The following TSPAN9 variants were observed in gnomAD, a reference collection of about 807,000 sequenced individuals.
TSPAN9 encodes the protein tetraspanin 9, also known as tetraspanin-9.
In TSPAN9, 16 loss-of-function variants were observed where a neutral mutation model predicts 31.0. The ratio of observed to expected loss-of-function variants is 0.52; its 90% CI spans 0.35 to 0.78. The LOEUF is 0.78. Ranked by LOEUF, TSPAN9 falls within the 30% of genes least tolerant of loss-of-function variation. TSPAN9 has a pLI of 0.01. For synonymous variants in TSPAN9, 145 were observed against 121.6 expected (o/e 1.19, Z -1.27); for missense variants, 272 against 312.5 (o/e 0.87, Z 0.98).
At chr12:3,240,403 C>T (rs946868091) in intron 3 of TSPAN9, among the ~76,000 whole-genome samples, 3 of 152,172 alleles carry the variant, frequency 2.0e-5, no homozygotes, top group Non-Finnish European at 4.4e-5. Context: ...CAGTCACTCT[C>T]GCTGATTGAG....
chr12:3,105,853 C>T (rs1284735471), intron 2 of TSPAN9, among the ~76,000 whole-genome samples: 1 of 116,478 alleles, frequency 8.6e-6, no homozygotes, highest in East Asian at 2.3e-4. Flanking sequence ...CGCTCACACA[C>T]GTTCACACAC....
intron 3 of TSPAN9, among the ~76,000 whole-genome samples, chr12:3,216,617 G>C (rs1362422003): frequency 6.6e-6 from 1 of 152,262 alleles, no homozygotes; most frequent in Non-Finnish European, 1.5e-5. Flanking sequence ...GGGCCTGCAG[G>C]GCTGAGGTGG....
intron 2 of TSPAN9, among the ~76,000 whole-genome samples, chr12:3,095,630 T>G (rs1485718700): frequency 1.2e-5 from 1 of 86,528 alleles, no homozygotes; most frequent in African/African-American, 5.8e-5. Flanking sequence ...GGCGGAGGGC[T>G]GACCCCCCCC....
intron 2 of TSPAN9, among the ~76,000 whole-genome samples, chr12:3,158,658 G>A (rs1267775803): frequency 1.4e-5 from 2 of 141,294 alleles, no homozygotes; most frequent in Non-Finnish European, 3.0e-5. Flanking sequence ...GGAGGCAGAG[G>A]TTGCAGTGAG....
At chr12:3,236,018 C>G (rs2153976659) in intron 3 of TSPAN9, among the ~76,000 whole-genome samples, 1 of 152,364 alleles carries the variant, frequency 6.6e-6, no homozygotes, top group Admixed American at 6.5e-5. Flanking sequence ...TTCCACAGCT[C>G]TGTCCCTGTG....
intron 2 of TSPAN9, among the ~76,000 whole-genome samples, chr12:3,186,857 A>G (rs1411703969): frequency 2.6e-5 from 4 of 151,828 alleles, no homozygotes; most frequent in African/African-American, 9.7e-5. Context: ...ATGGTGCTGG[A>G]TTTCTTTTCT....
At chr12:3,144,066 C>T (rs897291533) in intron 2 of TSPAN9, among the ~76,000 whole-genome samples, 13 of 151,860 alleles carry the variant, frequency 8.6e-5, no homozygotes, top group Non-Finnish European at 1.6e-4. Context: ...TACAAAATCA[C>T]GAGTGTGTGC....
At chr12:3,108,420 T>G (rs34868434) in intron 2 of TSPAN9, among the ~76,000 whole-genome samples, 23,500 of 152,228 alleles carry the variant, frequency 0.15, 2,136 homozygotes, top group Middle Eastern at 0.2. Flanking sequence ...AGAAGTCTAA[T>G]GCCATTCCAG....
At chr12:3,158,524 C>T (rs2098343428) in intron 2 of TSPAN9, among the ~76,000 whole-genome samples, 1 of 152,128 alleles carries the variant, frequency 6.6e-6, no homozygotes, top group African/African-American at 2.4e-5. Flanking sequence ...GAGTTCGAGA[C>T]CAGCCTGGCC....
intron 3 of TSPAN9, among the ~76,000 whole-genome samples, chr12:3,246,230 G>C (rs1381967559): frequency 6.6e-6 from 1 of 151,942 alleles, no homozygotes; most frequent in Non-Finnish European, 1.5e-5. Context: ...CCAGTCTTGT[G>C]AGAACTCACG....
In TSPAN9 at chr12:3,189,359, A is replaced by G. The variant is rs180816416; in HGVS notation, c.-17-11818A>G. Among the ~76,000 whole-genome samples the G allele has an allele frequency of 1.9e-3, 283 of 152,326 alleles. 2 individuals carry two copies. The highest frequency in any genetic ancestry group is 1.3e-3 in the East Asian group (7 of 5,188). ...ACAGAGTACCATGTAGAAGGGCCCC[A>G]GTGACAAGCTTGAGTATTTGTGTTT... On this transcript the variant is annotated intron_variant, in intron 2 of 8. Coordinates refer to ENST00000011898, the MANE Select transcript of TSPAN9 (RefSeq NM_006675.5).
At chr12:3,120,306 C>T (rs2098324486) in intron 2 of TSPAN9, among the ~76,000 whole-genome samples, 1 of 152,112 alleles carries the variant, frequency 6.6e-6, no homozygotes, top group African/African-American at 2.4e-5. Flanking sequence ...TCATTCACCT[C>T]AGGGAACACA....
intron 2 of TSPAN9, among the ~76,000 whole-genome samples, chr12:3,178,405 C>T (rs2098357060): frequency 6.6e-6 from 1 of 152,050 alleles, no homozygotes; most frequent in Non-Finnish European, 1.5e-5. Context: ...ATTCTCCTGC[C>T]TTAGCCTCCC....
At chr12:3,082,858 T>C (rs7965378) in intron 1 of TSPAN9, among the ~76,000 whole-genome samples, 151,189 of 152,288 alleles carry the variant, frequency 0.99, 75,058 homozygotes, top group East Asian at 1. Context: ...TGGATTCTAA[T>C]TCCCTCTGAT....
intron 3 of TSPAN9, among the ~76,000 whole-genome samples, chr12:3,231,974 C>T (rs754637607): frequency 1.5e-4 from 23 of 152,352 alleles, no homozygotes; most frequent in Non-Finnish European, 2.6e-4. Flanking sequence ...ATCCTGATTG[C>T]AGCAGTACGG....
At chr12:3,159,329 G>C (rs1021129529) in intron 2 of TSPAN9, among the ~76,000 whole-genome samples, 2 of 151,952 alleles carry the variant, frequency 1.3e-5, no homozygotes, top group Non-Finnish European at 2.9e-5. Flanking sequence ...TGTAATACAA[G>C]GGGTGGGCTG....
intron 2 of TSPAN9, among the ~76,000 whole-genome samples, chr12:3,185,854 A>AG (rs920741434): frequency 6.6e-6 from 1 of 152,138 alleles, no homozygotes; most frequent in African/African-American, 2.4e-5. Context: ...GCTGGTGCAG[A>AG]GGGGAAGCAA....
At chr12:3,095,573 C>T (rs1209009663) in intron 2 of TSPAN9, among the ~76,000 whole-genome samples, 1 of 126,332 alleles carries the variant, frequency 7.9e-6, no homozygotes, top group African/African-American at 2.9e-5. Flanking sequence ...CCAGTAGGGG[C>T]GGCCGGGCAG....
chr12:3,241,067 A>G (rs2098396326), intron 3 of TSPAN9, among the ~76,000 whole-genome samples: 1 of 152,228 alleles, frequency 6.6e-6, no homozygotes, highest in South Asian at 2.1e-4. Flanking sequence ...ATCACTTTGC[A>G]GAGGGTTCCA....
Sources: allele counts gnomAD v4.1 joint callset (sites outside exome capture counted in the v4.1 genomes callset), GRCh38; gene constraint gnomAD v4.1.1; transcripts MANE v1.5; gene names NCBI Gene and HGNC (gene_info 2026-07-23, HGNC 2026-07-21).